Variants in ILRUN observed in about 807,000 individuals in gnomAD.
ILRUN encodes inflammation and lipid regulator with UBA-like and NBR1-like domains, also known as protein ILRUN.
A neutral mutation model predicts 33.8 loss-of-function variants in ILRUN; 3 were observed. That is an observed-to-expected ratio of 0.09 (90% confidence interval 0.04 to 0.23). The LOEUF (loss-of-function observed/expected upper bound fraction) is 0.23. Ranked by LOEUF, ILRUN falls within the 10% of genes least tolerant of loss-of-function variation. ILRUN has a pLI of 1.00. For synonymous variants in ILRUN, 124 were observed against 138.9 expected (o/e 0.89, Z 0.75); for missense variants, 210 against 375.1 (o/e 0.56, Z 3.64).
At chr6:34,639,385 A>G (rs1402929831) in intron 3 of ILRUN, among the ~76,000 whole-genome samples, 1 of 152,222 alleles carries the variant, frequency 6.6e-6, no homozygotes, top group African/African-American at 2.4e-5. Context: ...CCTGAGAGTT[A>G]GAGGAAACCG....
At chr6:34,612,344 T>C (rs1418694863) in intron 3 of ILRUN, among the ~76,000 whole-genome samples, 3 of 152,098 alleles carry the variant, frequency 2.0e-5, no homozygotes, top group African/African-American at 7.2e-5. Flanking sequence ...GGTGGGAGGA[T>C]AGCCTGAGCC....
intron 4 of ILRUN, among the ~76,000 whole-genome samples, chr6:34,604,110 T>C (rs1337841180): frequency 6.6e-6 from 1 of 152,256 alleles, no homozygotes; most frequent in Non-Finnish European, 1.5e-5. Context: ...GAAGCTTTTC[T>C]CTACAGTTCT....
At chr6:34,629,943 C>T (rs1762211223) in intron 3 of ILRUN, among the ~76,000 whole-genome samples, 1 of 152,144 alleles carries the variant, frequency 6.6e-6, no homozygotes, top group South Asian at 2.1e-4. Flanking sequence ...CCTATATATA[C>T]ATACCTATGA....
intron 4 of ILRUN, among the ~76,000 whole-genome samples, chr6:34,604,622 C>A (rs530127446): frequency 6.6e-6 from 1 of 152,288 alleles, no homozygotes; most frequent in African/African-American, 2.4e-5. Flanking sequence ...ATTTACCACC[C>A]TGAACAGTCA....
chr6:34,695,856 T>G, intron 1 of ILRUN, among the ~76,000 whole-genome samples: 1 of 140,946 alleles, frequency 7.1e-6, no homozygotes, highest in Admixed American at 7.1e-5. Context: ...CCCCCTTGTC[T>G]TCCCCCATAA....
At chr6:34,651,311 A>C (rs1208763715) in intron 2 of ILRUN, among the ~76,000 whole-genome samples, 2 of 152,198 alleles carry the variant, frequency 1.3e-5, no homozygotes, top group Non-Finnish European at 2.9e-5. Context: ...ACAAGGAAAG[A>C]GATTCAGAAG....
chr6:34,648,873 T>C (rs191254471), intron 2 of ILRUN, among the ~76,000 whole-genome samples: 16 of 152,292 alleles, frequency 1.1e-4, no homozygotes, highest in African/African-American at 3.4e-4. Context: ...TTTGAACTTA[T>C]AAGTAAATAA....
intron 3 of ILRUN, among the ~76,000 whole-genome samples, chr6:34,630,928 C>T (rs539823522): frequency 1.1e-4 from 17 of 152,312 alleles, no homozygotes; most frequent in African/African-American, 4.1e-4. Context: ...ACAAGCTCAT[C>T]AAAGTCATTT....
chr6:34,684,931 T>G (rs1390087669), intron 1 of ILRUN, among the ~76,000 whole-genome samples: 1 of 152,180 alleles, frequency 6.6e-6, no homozygotes, highest in Non-Finnish European at 1.5e-5. Flanking sequence ...CTGTTCTGTA[T>G]CTGGGAAGCA....
chr6:34,657,351 G>C (rs1434444570), intron 1 of ILRUN, among the ~76,000 whole-genome samples: 3 of 152,114 alleles, frequency 2.0e-5, no homozygotes, highest in Non-Finnish European at 2.9e-5. Context: ...CTGCCATCAG[G>C]ATAGGACTTT....
chr6:34,659,982 C>G lies in ILRUN; in HGVS notation c.159-5203G>C, dbSNP rs142784994. On this transcript the variant is annotated intron_variant, in intron 1 of 4. Transcript: ENST00000374023. ...TTTATATGAGGCCAGAAACATCATT[C>G]AAAAATATGGCAGTAGAAAACAGTT... Among the ~76,000 whole-genome samples, 757 of 152,044 alleles carry G rather than the reference C, an allele frequency of 5.0e-3. 16 individuals are homozygous for G. The highest frequency in any genetic ancestry group is 0.032 in the Admixed American group (484 of 15,276).
rs78435026 is a variant in ILRUN, at chr6:34,665,503, C to T, written c.159-10724G>A. ...GTCTCATTATGTTGCCCACACAGGT[C>T]TCAAACGCTGGGCCTCAAGTAATCC... On this transcript the variant is annotated intron_variant, in intron 1 of 4. Coordinates refer to ENST00000374023, the MANE Select transcript of ILRUN (RefSeq NM_024294.4). Among the ~76,000 whole-genome samples the T allele has an allele frequency of 1.5e-3, 228 of 152,166 alleles. 2 individuals carry two copies. Among genetic ancestry groups the T allele is most frequent in the East Asian group, 0.014 (70 of 5,166 alleles).
At chr6:34,636,799 A>C (rs1217538027) in intron 3 of ILRUN, among the ~76,000 whole-genome samples, 3 of 152,212 alleles carry the variant, frequency 2.0e-5, no homozygotes, top group African/African-American at 7.2e-5. Context: ...CTTATTTATA[A>C]GAAACATGTT....
intron 1 of ILRUN, among the ~76,000 whole-genome samples, chr6:34,673,934 C>CACACACAA (rs1180927391): frequency 3.3e-5 from 5 of 151,512 alleles, no homozygotes; most frequent in Non-Finnish European, 7.4e-5. Flanking sequence ...CACACACACA[C>CACACACAA]ACGAAAACTG....
chr6:34,633,597 T>C (rs576078940), intron 3 of ILRUN, among the ~76,000 whole-genome samples: 1 of 151,896 alleles, frequency 6.6e-6, no homozygotes, highest in South Asian at 2.1e-4. Flanking sequence ...AAGTCTGTAA[T>C]CCCAGCACTT....
intron 1 of ILRUN, among the ~76,000 whole-genome samples, chr6:34,693,123 G>C (rs1229472341): frequency 6.6e-6 from 1 of 151,114 alleles, no homozygotes; most frequent in Non-Finnish European, 1.5e-5. Flanking sequence ...GGTAAACATA[G>C]GAATCAAAAA....
intron 3 of ILRUN, among the ~76,000 whole-genome samples, chr6:34,623,133 A>G (rs1762042450): frequency 6.6e-6 from 1 of 152,196 alleles, no homozygotes. Context: ...TCAGTTTTGC[A>G]AGATGAAAGG....
At chr6:34,601,309 T>C (rs1468853306) in intron 4 of ILRUN, among the ~76,000 whole-genome samples, 1 of 152,262 alleles carries the variant, frequency 6.6e-6, no homozygotes, top group Non-Finnish European at 1.5e-5. Flanking sequence ...GGCATGAGAA[T>C]AGTGTGTTCT....
intron 1 of ILRUN, among the ~76,000 whole-genome samples, chr6:34,669,971 G>A (rs1026582775): frequency 6.6e-6 from 1 of 151,936 alleles, no homozygotes; most frequent in Non-Finnish European, 1.5e-5. Flanking sequence ...GAATGTAATG[G>A]CGCAATCTCG....
Sources: gnomAD v4.1 joint callset for allele counts (sites outside exome capture counted in the v4.1 genomes callset) on GRCh38, gnomAD v4.1.1 for gene constraint, MANE v1.5 for transcripts, NCBI Gene and HGNC (gene_info 2026-07-23, HGNC 2026-07-21) for gene names.